The following SCAI variants were observed in gnomAD, a reference collection of about 807,000 sequenced individuals.
SCAI encodes protein SCAI.
In SCAI, 24 loss-of-function variants were observed where a neutral mutation model predicts 92.2. That is an observed-to-expected ratio of 0.26 (90% confidence interval 0.19 to 0.37). The LOEUF (loss-of-function observed/expected upper bound fraction) is 0.37. Ranked by LOEUF, SCAI falls within the 10% of genes least tolerant of loss-of-function variation. The pLI is 1.00. For synonymous variants in SCAI, 261 were observed against 258.6 expected (o/e 1.01, Z -0.09); for missense variants, 450 against 736.2 (o/e 0.61, Z 4.50).
At chr9:125,051,533 A>ATG (rs1833560694) in intron 3 of SCAI, among the ~76,000 whole-genome samples, 2 of 152,234 alleles carry the variant, frequency 1.3e-5, no homozygotes, top group Non-Finnish European at 2.9e-5. Flanking sequence ...CAGATTTAAA[A>ATG]TGTTCCCAAC....
At chr9:125,141,962 C>G (rs943354263) in intron 2 of SCAI, among the ~76,000 whole-genome samples, 1 of 152,124 alleles carries the variant, frequency 6.6e-6, no homozygotes, top group African/African-American at 2.4e-5. Flanking sequence ...TTGCTGTGTT[C>G]CCCACACTGG....
At position 125,002,290 on chromosome 9, in the gene SCAI, T is replaced by G. The variant is rs530731427; in HGVS notation, c.1066-247A>C. ...TTCAAAAACCCCATCATTTGGAGAA[T>G]ATTCTCCGAAAACTTGAATGGAGAA... On this transcript the variant is annotated intron_variant, in intron 11 of 17. Transcript: ENST00000336505. Among the ~76,000 whole-genome samples, 190 of 152,282 alleles carry G rather than the reference T, an allele frequency of 1.2e-3. 1 individual carries two copies. The highest frequency in any genetic ancestry group is 4.3e-3 in the African/African-American group (180 of 41,558).
intron 3 of SCAI, among the ~76,000 whole-genome samples, chr9:125,035,783 C>T (rs1215688024): frequency 1.3e-5 from 2 of 152,098 alleles, no homozygotes; most frequent in Non-Finnish European, 2.9e-5. Context: ...ATGGGCCAGG[C>T]ACAGTGACTC....
At chr9:125,122,550 C>T (rs1835175408) in intron 2 of SCAI, among the ~76,000 whole-genome samples, 1 of 137,466 alleles carries the variant, frequency 7.3e-6, no homozygotes, top group South Asian at 2.3e-4. Context: ...GATTGCGCTA[C>T]TGCACTCCAG....
At chr9:125,064,081 C>T (rs1833832294) in intron 2 of SCAI, among the ~76,000 whole-genome samples, 1 of 152,076 alleles carries the variant, frequency 6.6e-6, no homozygotes, top group Admixed American at 6.6e-5. Flanking sequence ...AAATCATATG[C>T]ACCTAATAAC....
intron 3 of SCAI, 106 bp from the exon 4 acceptor site, chr9:125,029,845 GCTTT>G (rs1833036120): frequency 3.4e-6 from 2 of 582,612 alleles, no homozygotes; most frequent in Non-Finnish European, 5.6e-6. Flanking sequence ...TTGCATTCAG[GCTTT>G]CTTTTTTAAA....
Position 125,106,128 on chromosome 9 carries a change from T to A in SCAI, c.98+36505A>T, listed in dbSNP as rs1300297217. Among the ~76,000 whole-genome samples the A allele has an allele frequency of 5.9e-3, 383 of 65,350 alleles. 1 individual carries two copies. The highest frequency in any genetic ancestry group is 7.5e-3 in the African/African-American group (94 of 12,478). The allele number at this position is 65,350 out of a possible 152,430, so 42.9% of individuals were successfully genotyped here. ...AAAAAAAAAAAAAAAAAAAAATATA[T>A]ATATATATATATATATATATATATA... On this transcript the variant is annotated intron_variant, in intron 2 of 17. Transcript: ENST00000336505.
At chr9:125,129,752 C>A (rs538703663) in intron 2 of SCAI, among the ~76,000 whole-genome samples, 1 of 151,564 alleles carries the variant, frequency 6.6e-6, no homozygotes, top group African/African-American at 2.4e-5. Flanking sequence ...GTGTGAGCCA[C>A]CACGCATGGG....
intron 2 of SCAI, among the ~76,000 whole-genome samples, chr9:125,136,456 C>CTTTTTTTTTT (rs1167871254): frequency 3.2e-5 from 3 of 95,228 alleles, no homozygotes; most frequent in African/African-American, 8.1e-5. Context: ...TAATACCTTT[C>CTTTTTTTTTT]TTTTTTTTTT....
Position 125,143,339 on chromosome 9 carries a change from G to A in SCAI, c.53+46C>T, listed in dbSNP as rs976495649. The stretch of plus-strand genomic sequence containing the variant: ...GCCGCTGCCCCTGGGCCCGCTCCCT[G>A]GCCCCCACCCCATCCCCAACCCCGG... On this transcript the variant is annotated intron_variant, in intron 1 of 17. Coordinates refer to ENST00000336505, the MANE Select transcript of SCAI (RefSeq NM_001144877.3). The A allele has an allele frequency of 3.4e-5, 40 of 1,176,124 alleles. 1 individual carries two copies. The highest frequency in any genetic ancestry group is 2.5e-4 in the Admixed American group (6 of 23,722). 72.9% of individuals were successfully genotyped at this position (1,176,124 alleles called of 1,614,324 possible). A position where few individuals can be genotyped will look rare whatever the true frequency, so the allele number is the denominator to read the frequency against.
At chr9:124,968,409 C>A (rs1831582962) in intron 17 of SCAI, 2 of 1,128,862 alleles carry the variant, frequency 1.8e-6, no homozygotes, top group Middle Eastern at 2.0e-4. Flanking sequence ...GGAGTACACC[C>A]AGTTTTTCTC....
At chr9:125,124,406 T>C (rs1397353282) in intron 2 of SCAI, among the ~76,000 whole-genome samples, 1 of 152,194 alleles carries the variant, frequency 6.6e-6, no homozygotes, top group Non-Finnish European at 1.5e-5. Context: ...TATGGTCTAG[T>C]TGCAGTCCAA....
intron 11 of SCAI, among the ~76,000 whole-genome samples, chr9:125,002,454 G>C (rs1046920959): frequency 6.7e-6 from 1 of 148,634 alleles, no homozygotes; most frequent in African/African-American, 2.5e-5. Context: ...GACTATATAA[G>C]AAGCCTAGAC....
At chr9:125,071,016 T>A (rs900426597) in intron 2 of SCAI, among the ~76,000 whole-genome samples, 1 of 152,172 alleles carries the variant, frequency 6.6e-6, no homozygotes, top group Non-Finnish European at 1.5e-5. Context: ...GATGGTTTTA[T>A]AAGAGGAAAC....
intron 2 of SCAI, among the ~76,000 whole-genome samples, chr9:125,100,048 C>CG (rs1218960811): frequency 6.6e-6 from 1 of 152,354 alleles, no homozygotes; most frequent in African/African-American, 2.4e-5. Flanking sequence ...TCTGGGCACA[C>CG]GCCCAGAAGT....
At chr9:125,019,532 T>C (rs193022893) in intron 7 of SCAI, among the ~76,000 whole-genome samples, 2 of 152,100 alleles carry the variant, frequency 1.3e-5, no homozygotes, top group Admixed American at 6.5e-5. Flanking sequence ...GGATGCAGTA[T>C]CTCATACCTG....
At chr9:124,971,988 G>A (rs940363010) in intron 15 of SCAI, 144 bp from the exon 16 acceptor site, 18 of 471,768 alleles carry the variant, frequency 3.8e-5, no homozygotes, top group Non-Finnish European at 5.5e-5. Flanking sequence ...GATTCTTCAC[G>A]AAACTACAAA....
At chr9:124,984,474 T>C (rs1291295227) in intron 14 of SCAI, among the ~76,000 whole-genome samples, 2 of 152,120 alleles carry the variant, frequency 1.3e-5, no homozygotes, top group Non-Finnish European at 2.9e-5. Context: ...TGAATGATGA[T>C]GGTGGTATGA....
chr9:124,976,255 A>C (rs1363915680), intron 14 of SCAI, 69 bp from the exon 15 acceptor site: 40 of 1,144,910 alleles, frequency 3.5e-5, no homozygotes, highest in Non-Finnish European at 5.0e-5. Context: ...GTAATTTTCC[A>C]AAGCATATTT....
Sources: allele counts gnomAD v4.1 joint callset (sites outside exome capture counted in the v4.1 genomes callset), GRCh38; gene constraint gnomAD v4.1.1; transcripts MANE v1.5; gene names NCBI Gene and HGNC (gene_info 2026-07-23, HGNC 2026-07-21).